The following MDFI variants were observed in gnomAD, a reference collection of about 807,000 sequenced individuals.
MDFI encodes inhibitor of MyoD family a.
A neutral mutation model predicts 22.3 loss-of-function variants in MDFI; 16 were observed. The ratio of observed to expected loss-of-function variants is 0.72; its 90% CI spans 0.49 to 1.09. The LOEUF (loss-of-function observed/expected upper bound fraction) is 1.09. Among genes scored for constraint, MDFI ranks in the 50% least tolerant of loss-of-function variants. The pLI is 0.00. For synonymous variants in MDFI, 145 were observed against 142.7 expected, an observed-to-expected ratio of 1.02 and a Z score of -0.12; for missense variants, 314 against 326.1, an observed-to-expected ratio of 0.96 and a Z score of 0.29.
intron 2 of MDFI, among the ~76,000 whole-genome samples, chr6:41,645,627 A>G (rs543076792): frequency 3.3e-5 from 5 of 151,938 alleles, no homozygotes; most frequent in Admixed American, 3.3e-4. Context: ...CTTCCGTGCT[A>G]TTGCTGCGTC....
In MDFI at chr6:41,638,719, C is replaced by T. The variant is rs1347707395; in HGVS notation, c.-11-20C>T. 1 of 1,547,556 alleles carries T rather than the reference C, an allele frequency of 6.5e-7. No individual in the cohort carries two copies. The highest frequency in any genetic ancestry group is 1.2e-5 in the South Asian group (1 of 84,366). On this transcript the variant is annotated intron_variant, in intron 1 of 4. Coordinates refer to ENST00000230321, the MANE Select transcript of MDFI (RefSeq NM_005586.4). This position sits in a 1 kb window ranked among gnomAD's most constrained non-coding sequence, Gnocchi z 7.6. ...CCTTGCCCGCCTCCGGCGCCGCCCG[C>T]TGAGCCCTGTTTTCCGCAGGTCCGG...
chr6:41,644,529 ATGAGGGTCAC>A (rs144585263), intron 2 of MDFI, among the ~76,000 whole-genome samples: 16,055 of 152,038 alleles, frequency 0.11, 1,069 homozygotes, highest in African/African-American at 0.19. Context: ...AACAAGGGTC[ATGAGGGTCAC>A]TGAGGGTCAT....
intron 4 of MDFI, among the ~76,000 whole-genome samples, chr6:41,650,721 G>A (rs1197269166): frequency 4.0e-5 from 6 of 151,836 alleles, no homozygotes; most frequent in Non-Finnish European, 8.8e-5. Context: ...CTACAGGCGC[G>A]TCCCACCACG....
rs1768047577 is a variant in MDFI at position 41,646,232 on chromosome 6, G to A, written c.183G>A (p.Met61Ile). 7 of 1,588,974 alleles carry A rather than the reference G, an allele frequency of 4.4e-6. No homozygotes were observed. The South Asian group carries it at 5.7e-5, about 13-fold the overall frequency. ...EGSLEEAATPMPQGNGPGIPQ... is the reference protein window; with the variant it reads ...EGSLEEAATPIPQGNGPGIPQ... ...CCCTGGAGGAGGCGGCAACCCCCATGCCCCAAGGCAATGGCCCTGGCATCC... is the reference window on the plus strand; with the variant it reads ...CCCTGGAGGAGGCGGCAACCCCCATACCCCAAGGCAATGGCCCTGGCATCC... The change falls in exon 3 of 5, where the codon ATG becomes ATA. Residue 61 changes from methionine to isoleucine, a missense_variant. Physicochemically the swap from Met to Ile is conservative, Grantham distance 10. Coordinates refer to ENST00000230321, the MANE Select transcript of MDFI (RefSeq NM_005586.4).
Position 41,653,236 on chromosome 6 carries a change from C to T in MDFI, c.485-83C>T, listed in dbSNP as rs546621549. On this transcript the variant is annotated intron_variant, in intron 4 of 4. Transcript: ENST00000230321. This position sits in a 1 kb window ranked among gnomAD's most constrained non-coding sequence, Gnocchi z 4.2. ...AGCGTCCCTGCTGCTGCCGCTGCCG[C>T]AGGCCCCCACACCCCCGGCTATTTC... 15 of 1,414,382 alleles carry T rather than the reference C, an allele frequency of 1.1e-5. No individual in the cohort carries two copies. The highest frequency in any genetic ancestry group is 1.5e-5 in the Non-Finnish European group (15 of 1,022,724). The allele number at this position is 1,414,382 out of a possible 1,614,324, so 87.6% of individuals were successfully genotyped here.
At chr6:41,649,988 G>T (rs1277357102) in intron 4 of MDFI, 145 bp downstream of exon 4, 6 of 723,816 alleles carry the variant, frequency 8.3e-6, no homozygotes, top group Non-Finnish European at 1.1e-5. Flanking sequence ...TACTGGATTG[G>T]AATCTCTGGT....
chr6:41,644,675 C>T (rs1182700614), intron 2 of MDFI, among the ~76,000 whole-genome samples: 1 of 151,860 alleles, frequency 6.6e-6, no homozygotes, highest in Admixed American at 6.6e-5. Flanking sequence ...CTCTAATTAC[C>T]TCCCTCCTCT....
rs1269917112 is a variant in MDFI at position 41,638,841 on chromosome 6, G to T, written c.76+16G>T. On this transcript the variant is annotated intron_variant, in intron 2 of 4. Coordinates refer to ENST00000230321, the MANE Select transcript of MDFI (RefSeq NM_005586.4). This position sits in a 1 kb window ranked among gnomAD's most constrained non-coding sequence, Gnocchi z 7.6. The stretch of plus-strand genomic sequence containing the variant: ...CCGGGCCCAGGTAGGACCGGGAGTG[G>T]CGAGCGAAGCTGGACAGGGGCGGGT... The T allele has an allele frequency of 1.5e-5, 23 of 1,544,320 alleles. No homozygotes were observed. The highest frequency in any genetic ancestry group is 1.9e-5 in the Non-Finnish European group (22 of 1,151,218).
intron 2 of MDFI, chr6:41,639,916 A>T: frequency 1.0e-6 from 1 of 985,244 alleles, no homozygotes; most frequent in Non-Finnish European, 1.2e-6. Context: ...CTCCCCACCT[A>T]CTTGGTATGG....
intron 2 of MDFI, chr6:41,639,214 A>G: frequency 1.0e-6 from 1 of 984,666 alleles, no homozygotes. Context: ...GCGTTGTCTG[A>G]ATCTTTCTCT....
At chr6:41,641,832 G>A (rs763228150) in intron 2 of MDFI, among the ~76,000 whole-genome samples, 17 of 152,074 alleles carry the variant, frequency 1.1e-4, no homozygotes, top group Non-Finnish European at 1.3e-4. Flanking sequence ...CCATCCCACC[G>A]GAAAGAGGTT....
Position 41,638,743 on chromosome 6 carries a change from G to C in MDFI, c.-7G>C. 1.9e-6 allele frequency: 3 copies of C among 1,564,034 alleles called. No individual in the cohort carries two copies. Among genetic ancestry groups the C allele is most frequent in the Non-Finnish European group, 2.6e-6 (3 of 1,160,252 alleles). On this transcript the variant is annotated 5_prime_UTR_variant, in exon 2 of 5. Coordinates refer to ENST00000230321, the MANE Select transcript of MDFI (RefSeq NM_005586.4). This position sits in a 1 kb window ranked among gnomAD's most constrained non-coding sequence, Gnocchi z 7.6. ...GCTGAGCCCTGTTTTCCGCAGGTCC[G>C]GGGCCGATGTACCAGGTGAGCGGCC... is the stretch of plus-strand genomic sequence containing the variant.
chr6:41,641,228 T>C (rs1225818906), intron 2 of MDFI, among the ~76,000 whole-genome samples: 1 of 152,106 alleles, frequency 6.6e-6, no homozygotes, highest in Non-Finnish European at 1.5e-5. Context: ...CAGAGATGAA[T>C]ATGGACACCA....
At chr6:41,652,499 C>T (rs1257354297) in intron 4 of MDFI, among the ~76,000 whole-genome samples, 1 of 151,952 alleles carries the variant, frequency 6.6e-6, no homozygotes, top group Non-Finnish European at 1.5e-5. Context: ...GTGGAGATGC[C>T]AGGTGGCAGT....
chr6:41,638,682 G>A lies in MDFI; in HGVS notation c.-12+30G>A. The A allele has an allele frequency of 1.3e-6, 2 of 1,489,130 alleles. No homozygotes were observed. Among genetic ancestry groups the A allele is most frequent in the Non-Finnish European group, 9.1e-7 (1 of 1,104,570 alleles). 92.2% of individuals were successfully genotyped at this position (1,489,130 alleles called of 1,614,324 possible). On this transcript the variant is annotated intron_variant, in intron 1 of 4. Transcript: ENST00000230321. This position sits in a 1 kb window ranked among gnomAD's most constrained non-coding sequence, Gnocchi z 7.6. ...GTGGACGTGGGAGGCGCGCATCTGC[G>A]GGGGAATCGCCCCTTGCCCGCCTCC...
Position 41,653,483 on chromosome 6 carries a change from G to C in MDFI, c.649G>C (p.Asp217His). 1 of 1,603,306 alleles carries C rather than the reference G, an allele frequency of 6.2e-7. No homozygotes were observed. Among genetic ancestry groups the C allele is most frequent in the South Asian group, 1.1e-5 (1 of 91,070 alleles). ...GECADCDLPC[D>H]LDCGILDACC... is the part of the protein sequence containing the mutation. ...GTGTGCCGACTGCGACCTGCCCTGC[G>C]ACCTGGACTGCGGCATCCTGGATGC... Residue 217 changes from aspartate (D) to histidine (H), a missense_variant, in exon 5 of 5, where the codon GAC becomes CAC. Coordinates refer to ENST00000230321, the MANE Select transcript of MDFI (RefSeq NM_005586.4). The surrounding 1 kb of genome is among the most constrained non-coding windows in gnomAD (Gnocchi z 4.2).
intron 2 of MDFI, chr6:41,639,212 T>G (rs1414665668): frequency 1.0e-6 from 1 of 984,516 alleles, no homozygotes; most frequent in African/African-American, 1.7e-5. Context: ...GGGCGTTGTC[T>G]GAATCTTTCT....
In MDFI at chr6:41,653,723, C is replaced by T; in HGVS notation, c.*148C>T. The stretch of plus-strand genomic sequence containing the variant: ...TACCCACCCATGTCCTCTCAGAACC[C>T]CAGCCTTGAAAATAGTGGGGGGCAC... On this transcript the variant is annotated 3_prime_UTR_variant, in exon 5 of 5. Coordinates refer to ENST00000230321, the MANE Select transcript of MDFI (RefSeq NM_005586.4). The surrounding 1 kb of genome is among the most constrained non-coding windows in gnomAD (Gnocchi z 4.2). The T allele has an allele frequency of 1.9e-6, 2 of 1,052,298 alleles. No homozygotes were observed. The allele number at this position is 1,052,298 out of a possible 1,614,324, so 65.2% of individuals were successfully genotyped here.
chr6:41,644,478 G>A (rs1767974584), intron 2 of MDFI, among the ~76,000 whole-genome samples: 1 of 152,134 alleles, frequency 6.6e-6, no homozygotes, highest in Admixed American at 6.5e-5. Context: ...GGGGCCTCTG[G>A]GGCGTCCATT....
Sources: allele counts gnomAD v4.1 joint callset (sites outside exome capture counted in the v4.1 genomes callset), GRCh38; gene constraint gnomAD v4.1.1; non-coding constraint Gnocchi (gnomAD v3.1); transcripts MANE v1.5; gene names NCBI Gene and HGNC (gene_info 2026-07-23, HGNC 2026-07-21).